The following SDHC variants were observed in gnomAD, a reference collection of about 807,000 sequenced individuals.
The protein encoded by SDHC is succinate dehydrogenase complex subunit C.
SDHC carries 11 observed loss-of-function variants against 22.6 expected under a neutral mutation model. The ratio of observed to expected loss-of-function variants is 0.49; its 90% confidence interval spans 0.31 to 0.81. The LOEUF (loss-of-function observed/expected upper bound fraction) is 0.81. Ranked by LOEUF, SDHC falls within the 30% of genes least tolerant of loss-of-function variation. The pLI is 0.05. For synonymous variants in SDHC, 80 were observed against 77.8 expected (o/e 1.03, Z -0.15); for missense variants, 160 against 212.0 (o/e 0.75, Z 1.52).
chr1:161,323,627 C>G lies in SDHC; in HGVS notation c.34C>G (p.His12Asp), dbSNP rs1670923808. Reference sequence around the variant, plus strand: ...CTTATCTTGCAGACACGTTGGTCGTCATTGCCTCCGAGCCCACTTTAGCCC... The same window carrying G: ...CTTATCTTGCAGACACGTTGGTCGTGATTGCCTCCGAGCCCACTTTAGCCC... ...AALLLRHVGRHCLRAHFSPQL... is the reference protein window; with the variant it reads ...AALLLRHVGRDCLRAHFSPQL... The change falls in exon 2 of 6, where the codon CAT becomes GAT. Residue 12 changes from histidine to aspartate, a missense_variant. This residue lies in a region of SDHC where 86 missense variants were observed against 83.4 expected (regional missense o/e 1.03). Coordinates refer to ENST00000367975, the MANE Select transcript of SDHC (RefSeq NM_003001.5). The G allele has an allele frequency of 6.2e-7, 1 of 1,613,592 alleles. No homozygotes were observed. The highest frequency in any genetic ancestry group is 8.5e-7 in the Non-Finnish European group (1 of 1,179,606).
intron 2 of SDHC, among the ~76,000 whole-genome samples, chr1:161,323,988 G>GCC (rs1012215691): frequency 6.6e-6 from 1 of 152,128 alleles, no homozygotes; most frequent in African/African-American, 2.4e-5. Flanking sequence ...GAGCCACCGC[G>GCC]CCCGGCCCTG....
chr1:161,342,994 T>C (rs1671773135), intron 4 of SDHC, among the ~76,000 whole-genome samples: 3 of 152,234 alleles, frequency 2.0e-5, no homozygotes, highest in Non-Finnish European at 4.4e-5. Context: ...TCAGGCATCA[T>C]TACAGTCTTG....
chr1:161,338,797 G>C (rs1479587128), intron 3 of SDHC, among the ~76,000 whole-genome samples: 1 of 152,132 alleles, frequency 6.6e-6, no homozygotes, highest in Non-Finnish European at 1.5e-5. Context: ...TTCCATCAGT[G>C]TTATACCTGG....
chr1:161,333,401 C>T (rs199816439), intron 3 of SDHC, among the ~76,000 whole-genome samples: 11,308 of 130,858 alleles, frequency 0.086, 650 homozygotes, highest in East Asian at 0.19. Context: ...CTATGTTTAA[C>T]TTTTTTTTTT....
At chr1:161,318,339 A>G (rs55706531) in intron 1 of SDHC, among the ~76,000 whole-genome samples, 4,001 of 152,196 alleles carry the variant, frequency 0.026, 87 homozygotes, top group Non-Finnish European at 0.038. Flanking sequence ...AGAGTATTGT[A>G]TTGTCATGGC....
intron 5 of SDHC, among the ~76,000 whole-genome samples, chr1:161,361,075 T>C (rs1223761923): frequency 1.3e-5 from 2 of 152,066 alleles, no homozygotes; most frequent in Admixed American, 6.6e-5. Flanking sequence ...ATGGCGCCAC[T>C]GGAGTGGCTG....
chr1:161,356,587 T>G, intron 4 of SDHC, 90 bp from the exon 5 acceptor site: 1 of 1,282,202 alleles, frequency 7.8e-7, no homozygotes, highest in Admixed American at 1.7e-5. Flanking sequence ...TGGTTTAGAA[T>G]TGTATGAGGT....
At chr1:161,333,119 A>T (rs546630503) in intron 3 of SDHC, among the ~76,000 whole-genome samples, 4 of 152,326 alleles carry the variant, frequency 2.6e-5, no homozygotes, top group African/African-American at 9.6e-5. Context: ...GGCTTCTTTT[A>T]CTTACCATAA....
intron 4 of SDHC, among the ~76,000 whole-genome samples, chr1:161,344,300 A>G (rs1273485381): frequency 2.0e-5 from 3 of 152,036 alleles, no homozygotes; most frequent in African/African-American, 7.2e-5. Context: ...AAAAAATAAA[A>G]TAAAATAAAA....
Position 161,314,411 on chromosome 1 carries a change from T to G in SDHC, c.6T>G (p.Ala2=), listed in dbSNP as rs775353334. ...CGTCCAGACCGGAACCCAAGATGGC[T>G]GCGCTGTTGCTGAGGTGACTTCAGT... The part of the protein sequence containing the change: M[A]ALLLRHVGRH... The change falls in exon 1 of 6, where the codon GCT becomes GCG. Residue 2 remains alanine, a synonymous_variant. Coordinates refer to ENST00000367975, the MANE Select transcript of SDHC (RefSeq NM_003001.5). The G allele has an allele frequency of 1.2e-6, 2 of 1,613,326 alleles. No homozygotes were observed. Among genetic ancestry groups the G allele is most frequent in the African/African-American group, 2.7e-5 (2 of 74,448 alleles).
chr1:161,314,736 C>T lies in SDHC; in HGVS notation c.20+311C>T, dbSNP rs60053501. On this transcript the variant is annotated intron_variant, in intron 1 of 5. Transcript: ENST00000367975. The stretch of plus-strand genomic sequence containing the variant: ...TCGGGCCTGCACCCAGAGCCGAGCT[C>T]TGAGAAAATAACTTCAAGGTCAGCC... The T allele has an allele frequency of 0.011, 4,990 of 439,370 alleles. 217 individuals are homozygous for T. The highest frequency in any genetic ancestry group is 0.088 in the African/African-American group (4,481 of 50,664). 27.2% of individuals were successfully genotyped at this position (439,370 alleles called of 1,614,324 possible). A position where few individuals can be genotyped will look rare whatever the true frequency, so the allele number is the denominator to read the frequency against.
intron 2 of SDHC, among the ~76,000 whole-genome samples, chr1:161,324,956 T>C (rs1466409666): frequency 2.0e-5 from 3 of 152,104 alleles, no homozygotes; most frequent in Non-Finnish European, 4.4e-5. Flanking sequence ...ATCCCAACAC[T>C]TTAGGAGGCC....
In SDHC at chr1:161,362,587, A is replaced by G; in HGVS notation, c.*154A>G. 6.2e-7 allele frequency: 1 copy of G among 1,609,128 alleles called. No homozygotes were observed. The highest frequency in any genetic ancestry group is 8.5e-7 in the Non-Finnish European group (1 of 1,178,114). On this transcript the variant is annotated 3_prime_UTR_variant, in exon 6 of 6. Transcript: ENST00000367975. ...TCCTTGGAGCAGTAGAGTACCTGGT[A>G]GACCATAATAGTGGAAAAGGGTCTA...
At chr1:161,332,579 G>A (rs1227876072) in intron 3 of SDHC, among the ~76,000 whole-genome samples, 1 of 151,020 alleles carries the variant, frequency 6.6e-6, no homozygotes, top group African/African-American at 2.4e-5. Context: ...AGTGGCTTTT[G>A]TTAAATGCAG....
At chr1:161,331,820 C>T (rs1671287341) in intron 3 of SDHC, among the ~76,000 whole-genome samples, 1 of 151,954 alleles carries the variant, frequency 6.6e-6, no homozygotes, top group Admixed American at 6.6e-5. Flanking sequence ...TGGTCTTGAG[C>T]TCCTGACCTC....
chr1:161,318,624 A>T (rs964119128), intron 1 of SDHC, among the ~76,000 whole-genome samples: 12 of 152,248 alleles, frequency 7.9e-5, no homozygotes, highest in Admixed American at 5.2e-4. Flanking sequence ...ATTAAGGTTT[A>T]ACTCTCAATT....
At chr1:161,340,750 C>T in intron 4 of SDHC, 95 bp downstream of exon 4, 1 of 916,098 alleles carries the variant, frequency 1.1e-6, no homozygotes, top group East Asian at 2.4e-5. Flanking sequence ...AAACTCAGCA[C>T]TTGATTTAGA....
chr1:161,351,308 C>T (rs1216842303), intron 4 of SDHC, among the ~76,000 whole-genome samples: 7 of 152,130 alleles, frequency 4.6e-5, no homozygotes, highest in East Asian at 3.9e-4. Context: ...TGAAGGTAGG[C>T]TTTGGGCTGT....
chr1:161,356,576 A>T (rs1672280991), intron 4 of SDHC, 101 bp from the exon 5 acceptor site: 3 of 1,183,456 alleles, frequency 2.5e-6, no homozygotes, highest in Non-Finnish European at 3.8e-6. Flanking sequence ...CCATTTCAAA[A>T]TGGTTTAGAA....
Sources: gnomAD v4.1 joint callset for allele counts (sites outside exome capture counted in the v4.1 genomes callset) on GRCh38, gnomAD v4.1.1 for gene constraint, gnomAD v4.1.1 regional missense constraint, MANE v1.5 for transcripts, NCBI Gene and HGNC (gene_info 2026-07-23, HGNC 2026-07-21) for gene names.